NME5: variants seen among roughly 807,000 people sequenced by gnomAD.
NME5 encodes the protein nucleoside diphosphate kinase 5.
In NME5, 18 loss-of-function variants were observed where a neutral mutation model predicts 21.6. The observed-to-expected ratio is 0.83, with a 90% CI of 0.58 to 1.24. The LOEUF is 1.24. Ranked by LOEUF, NME5 falls within the 50% of genes most tolerant of loss-of-function variation. The pLI is 0.00. For synonymous variants in NME5, 70 were observed against 80.6 expected, an observed-to-expected ratio of 0.87 and a Z score of 0.71; for missense variants, 223 against 255.4, an observed-to-expected ratio of 0.87 and a Z score of 0.86.
At chr5:138,125,439 C>G (rs1751375461) in intron 4 of NME5, among the ~76,000 whole-genome samples, 1 of 152,048 alleles carries the variant, frequency 6.6e-6, no homozygotes, top group South Asian at 2.1e-4. Flanking sequence ...ATTAGCCGAG[C>G]ATGGTGGTAC....
intron 2 of NME5, among the ~76,000 whole-genome samples, chr5:138,133,920 CAAT>C (rs1468686690): frequency 1.3e-5 from 2 of 151,698 alleles, no homozygotes; most frequent in Admixed American, 1.3e-4. Flanking sequence ...GGTTGTACAA[CAAT>C]GTGAATGTAC....
intron 4 of NME5, 57 bp from the exon 5 acceptor site, chr5:138,118,993 T>G: frequency 9.9e-7 from 1 of 1,007,606 alleles, no homozygotes; most frequent in Non-Finnish European, 1.5e-6. Flanking sequence ...TACTATACAA[T>G]CATTAAAAAG....
chr5:138,128,610 A>C lies in NME5; in HGVS notation c.336-31T>G, dbSNP rs761338803. On this transcript the variant is annotated intron_variant, in intron 3 of 5. Coordinates refer to ENST00000265191, the MANE Select transcript of NME5 (RefSeq NM_003551.3). Reference sequence around the variant, plus strand: ...AACAAGTTAGAGATGACGTCCATCCAATCTAACGTCTATTCCTTACTTTAT... The same window carrying C: ...AACAAGTTAGAGATGACGTCCATCCCATCTAACGTCTATTCCTTACTTTAT... 5.4e-6 allele frequency: 8 copies of C among 1,479,934 alleles called. No homozygotes were observed. In the South Asian group the frequency reaches 8.2e-5, roughly 15 times the overall value. The allele number at this position is 1,479,934 out of a possible 1,614,324, so 91.7% of individuals were successfully genotyped here. A position where few individuals can be genotyped will look rare whatever the true frequency, so the allele number is the denominator to read the frequency against.
intron 2 of NME5, among the ~76,000 whole-genome samples, chr5:138,130,552 G>T (rs1320345884): frequency 6.6e-6 from 1 of 152,180 alleles, no homozygotes; most frequent in African/African-American, 2.4e-5. Flanking sequence ...ACTCTGGGAG[G>T]CCAAGACAGG....
intron 2 of NME5, among the ~76,000 whole-genome samples, chr5:138,137,924 G>A (rs1413044824): frequency 1.3e-5 from 2 of 151,762 alleles, no homozygotes; most frequent in African/African-American, 4.8e-5. Flanking sequence ...GCTTGAACCG[G>A]GACCTGGAAG....
intron 5 of NME5, among the ~76,000 whole-genome samples, chr5:138,117,895 A>G (rs1383175614): frequency 6.6e-6 from 1 of 151,806 alleles, no homozygotes; most frequent in Non-Finnish European, 1.5e-5. Flanking sequence ...GAGGCAGGAG[A>G]ATCACTTGAA....
chr5:138,137,801 C>G (rs1415329934), intron 2 of NME5, among the ~76,000 whole-genome samples: 2 of 151,296 alleles, frequency 1.3e-5, no homozygotes, highest in Non-Finnish European at 3.0e-5. Flanking sequence ...GAGTTCAAGA[C>G]CACCCTGGCC....
chr5:138,117,916 G>A (rs747655923), intron 5 of NME5, among the ~76,000 whole-genome samples: 18 of 151,736 alleles, frequency 1.2e-4, no homozygotes, highest in African/African-American at 2.4e-4. Context: ...CCTGGGGGGC[G>A]GAGGTTGCAG....
chr5:138,118,400 T>C (rs1398863821), intron 5 of NME5, among the ~76,000 whole-genome samples: 1 of 151,342 alleles, frequency 6.6e-6, no homozygotes, highest in Non-Finnish European at 1.5e-5. Context: ...GCTGGGATAA[T>C]AGGCGTGAGC....
At chr5:138,128,322 T>C (rs1288584590) in intron 4 of NME5, among the ~76,000 whole-genome samples, 157 bp downstream of exon 4, 1 of 152,226 alleles carries the variant, frequency 6.6e-6, no homozygotes, top group Non-Finnish European at 1.5e-5. Context: ...GTTTTCCATT[T>C]GTGGCTTCAA....
chr5:138,136,765 G>C (rs370883), intron 2 of NME5, among the ~76,000 whole-genome samples: 52,044 of 151,636 alleles, frequency 0.34, 9,135 homozygotes, highest in South Asian at 0.43. Flanking sequence ...GCCTCAGCCT[G>C]CTGAGTAGCT....
intron 2 of NME5, among the ~76,000 whole-genome samples, chr5:138,136,894 T>C (rs1259822876): frequency 1.3e-5 from 2 of 151,920 alleles, no homozygotes; most frequent in Admixed American, 1.3e-4. Context: ...CAACTCACCT[T>C]GGCCTCCCAA....
intron 2 of NME5, among the ~76,000 whole-genome samples, chr5:138,134,296 T>A (rs998265425): frequency 6.6e-6 from 1 of 151,416 alleles, no homozygotes; most frequent in Non-Finnish European, 1.5e-5. Flanking sequence ...CAGGCTGGAG[T>A]GCAGTGGTGA....
chr5:138,122,956 A>G (rs1288662434), intron 4 of NME5: 2 of 152,136 alleles, frequency 1.3e-5, no homozygotes, highest in African/African-American at 4.8e-5. Context: ...CTGGGATTAC[A>G]GGCATGAGCC....
At chr5:138,135,874 C>A (rs1751687227) in intron 2 of NME5, among the ~76,000 whole-genome samples, 1 of 152,168 alleles carries the variant, frequency 6.6e-6, no homozygotes, top group East Asian at 1.9e-4. Flanking sequence ...CAAATATTGG[C>A]AAACATGAAT....
chr5:138,121,821 C>A (rs1364394359), intron 4 of NME5, among the ~76,000 whole-genome samples: 3 of 152,076 alleles, frequency 2.0e-5, no homozygotes, highest in Admixed American at 2.0e-4. Flanking sequence ...TAAAAGTATG[C>A]ATGGACTTTT....
intron 2 of NME5, among the ~76,000 whole-genome samples, chr5:138,130,313 A>C (rs760970337): frequency 6.6e-6 from 1 of 151,254 alleles, no homozygotes; most frequent in Non-Finnish European, 1.5e-5. Context: ...TCCCCACTAC[A>C]TTAGAGGTGG....
chr5:138,131,735 CTTT>C (rs1213675304), intron 2 of NME5, among the ~76,000 whole-genome samples: 1 of 144,808 alleles, frequency 6.9e-6, no homozygotes, highest in African/African-American at 2.6e-5. Flanking sequence ...ATTTTGAGTG[CTTT>C]TTTTTTTTTT....
Position 138,118,799 on chromosome 5 carries a change from G to T in NME5, c.555+19C>A, listed in dbSNP as rs1264006511. On this transcript the variant is annotated intron_variant, in intron 5 of 5. Transcript: ENST00000265191. The stretch of plus-strand genomic sequence containing the variant: ...GCCTGGTGACAATATTCTTAAGTGT[G>T]AATAAAAATATTTCTTACCAAAGGA... 1.3e-6 allele frequency: 2 copies of T among 1,493,042 alleles called. No homozygotes were observed. The highest frequency in any genetic ancestry group is 1.9e-6 in the Non-Finnish European group (2 of 1,070,406). 92.5% of individuals were successfully genotyped at this position (1,493,042 alleles called of 1,614,324 possible).
Sources: gnomAD v4.1 joint callset for allele counts (sites outside exome capture counted in the v4.1 genomes callset) on GRCh38, gnomAD v4.1.1 for gene constraint, MANE v1.5 for transcripts, NCBI Gene and HGNC (gene_info 2026-07-23, HGNC 2026-07-21) for gene names.